AIG1: variants seen among roughly 807,000 people sequenced by gnomAD.
The protein encoded by AIG1 is androgen induced 1, also known as androgen-induced gene 1 protein.
AIG1 carries 23 observed loss-of-function variants against 31.4 expected under a neutral mutation model. The observed-to-expected ratio is 0.73, with a 90% CI of 0.53 to 1.04. The LOEUF is 1.04. Among genes scored for constraint, AIG1 ranks in the 50% least tolerant of loss-of-function variants. The pLI is 0.00. For synonymous variants in AIG1, 100 were observed against 110.5 expected, an observed-to-expected ratio of 0.90 and a Z score of 0.60; for missense variants, 274 against 295.0, an observed-to-expected ratio of 0.93 and a Z score of 0.52.
At chr6:143,164,601 A>G (rs148587876) in intron 2 of AIG1, among the ~76,000 whole-genome samples, 2 of 152,288 alleles carry the variant, frequency 1.3e-5, no homozygotes, top group East Asian at 3.9e-4. Context: ...AGTGGTTTCA[A>G]TGCTGCTAGT....
intron 3 of AIG1, chr6:143,187,860 G>A: frequency 1.4e-6 from 2 of 1,430,424 alleles, no homozygotes; most frequent in Non-Finnish European, 1.8e-6. Context: ...ATGTACAGAA[G>A]GGTATCCGCA....
At position 143,292,077 on chromosome 6, in the gene AIG1, G is replaced by A. The variant is rs774006415; in HGVS notation, c.515+7852G>A. On this transcript the variant is annotated intron_variant, in intron 4 of 5. Coordinates refer to ENST00000357847, the MANE Select transcript of AIG1 (RefSeq NM_016108.4). The surrounding 1 kb of genome is among the most constrained non-coding windows in gnomAD (Gnocchi z 4.9). ...ATAGGATTCTGGATATATTTTGAAGGTAGGGTCAATAGGATTTCCTGGCCA... is the reference window on the plus strand; with the variant it reads ...ATAGGATTCTGGATATATTTTGAAGATAGGGTCAATAGGATTTCCTGGCCA... 2.6e-5 allele frequency among the ~76,000 whole-genome samples: 4 copies of A among 152,166 alleles called. No individual in the cohort carries two copies. The highest frequency in any genetic ancestry group is 5.9e-5 in the Non-Finnish European group (4 of 68,018).
At chr6:143,177,131 TC>T (rs1278627753) in intron 3 of AIG1, among the ~76,000 whole-genome samples, 2 of 152,378 alleles carry the variant, frequency 1.3e-5, no homozygotes, top group East Asian at 3.9e-4. Flanking sequence ...GTTATTCAGT[TC>T]TAACATTTCT....
intron 3 of AIG1, chr6:143,186,665 A>G (rs1789287796): frequency 6.6e-6 from 1 of 152,250 alleles, no homozygotes; most frequent in South Asian, 2.1e-4. Flanking sequence ...TTTTTCCCAC[A>G]ACAGTTTAAC....
At chr6:143,147,955 T>A (rs1266449158) in intron 2 of AIG1, among the ~76,000 whole-genome samples, 1 of 152,136 alleles carries the variant, frequency 6.6e-6, no homozygotes, top group Non-Finnish European at 1.5e-5. Flanking sequence ...CCCCAGAAGG[T>A]AGGAATTTCC....
chr6:143,259,701 T>C (rs1795615185), intron 3 of AIG1, among the ~76,000 whole-genome samples: 1 of 152,186 alleles, frequency 6.6e-6, no homozygotes, highest in South Asian at 2.1e-4. Context: ...CCAAACTTAG[T>C]TCACTGCTAG....
chr6:143,151,330 A>G lies in AIG1; in HGVS notation c.298-13752A>G, dbSNP rs77068054. Among the ~76,000 whole-genome samples the G allele has an allele frequency of 3.3e-3, 509 of 152,280 alleles. 3 individuals are homozygous for G. The highest frequency in any genetic ancestry group is 0.012 in the African/African-American group (487 of 41,558). ...AGAGACATTCATGTTCTAAATGTAAATGGCAAATGGTTCATAGAGAAAAAC... is the reference window on the plus strand; with the variant it reads ...AGAGACATTCATGTTCTAAATGTAAGTGGCAAATGGTTCATAGAGAAAAAC... On this transcript the variant is annotated intron_variant, in intron 2 of 5. Coordinates refer to ENST00000357847, the MANE Select transcript of AIG1 (RefSeq NM_016108.4).
intron 1 of AIG1, among the ~76,000 whole-genome samples, chr6:143,128,499 A>C (rs557229233): frequency 2.0e-5 from 3 of 152,328 alleles, no homozygotes; most frequent in African/African-American, 7.2e-5. Flanking sequence ...TAAAATAATA[A>C]GAGCAACTAG....
At chr6:143,168,809 C>G (rs1045703451) in intron 3 of AIG1, among the ~76,000 whole-genome samples, 1 of 151,728 alleles carries the variant, frequency 6.6e-6, no homozygotes, top group Non-Finnish European at 1.5e-5. Flanking sequence ...GTCTCAAGAA[C>G]AAAAAAATTC....
rs531093293 is a variant in AIG1 at position 143,167,133 on chromosome 6, A to G, written c.399+1950A>G. Among the ~76,000 whole-genome samples, 21 of 152,312 alleles carry G rather than the reference A, an allele frequency of 1.4e-4. No homozygotes were observed. In the East Asian group the frequency reaches 4.0e-3, roughly 29 times the overall value. Reference sequence around the variant, plus strand: ...ATTTTTAAGAAAAAGACATTATGAAATTCCTGATCTCCAAGAGCTGAGTTG... The same window carrying G: ...ATTTTTAAGAAAAAGACATTATGAAGTTCCTGATCTCCAAGAGCTGAGTTG... On this transcript the variant is annotated intron_variant, in intron 3 of 5. Transcript: ENST00000357847.
intron 3 of AIG1, among the ~76,000 whole-genome samples, chr6:143,166,515 G>A (rs975800922): frequency 4.6e-5 from 7 of 152,056 alleles, no homozygotes; most frequent in African/African-American, 2.4e-5. Flanking sequence ...TAGCTATTCC[G>A]TTACTTGTGC....
chr6:143,214,889 G>GT (rs1791899906), intron 3 of AIG1, among the ~76,000 whole-genome samples: 1 of 152,084 alleles, frequency 6.6e-6, no homozygotes, highest in Non-Finnish European at 1.5e-5. Flanking sequence ...ATCCCAACTG[G>GT]TTCTTCAGCA....
At chr6:143,103,454 G>C (rs986222077) in intron 1 of AIG1, among the ~76,000 whole-genome samples, 2 of 150,518 alleles carry the variant, frequency 1.3e-5, no homozygotes, top group African/African-American at 4.9e-5. Context: ...GCACTTTGAG[G>C]TCATTTATAG....
At chr6:143,342,652 A>G, downstream of AIG1, 1 of 1,218,948 alleles carries the variant, frequency 8.2e-7, no homozygotes, top group Non-Finnish European at 1.2e-6. Context: ...TTGATGGCAT[A>G]AAAGCTGATT....
chr6:143,143,528 A>AAAAAAAAAATATATATATAT, intron 2 of AIG1, among the ~76,000 whole-genome samples: 1 of 27,794 alleles, frequency 3.6e-5, no homozygotes, highest in Non-Finnish European at 7.9e-5. Flanking sequence ...AAAAAAAAAA[A>AAAAAAAAAATATATATATAT]ATATATATAT....
At chr6:143,233,273 A>G (rs1356209120) in intron 3 of AIG1, among the ~76,000 whole-genome samples, 8 of 152,168 alleles carry the variant, frequency 5.3e-5, no homozygotes, top group Non-Finnish European at 1.2e-4. Flanking sequence ...GAAATTTAAA[A>G]CCCAAATTTT....
Position 143,243,693 on chromosome 6 carries a change from C to T in AIG1, c.400-40417C>T, listed in dbSNP as rs1407242924. On this transcript the variant is annotated intron_variant, in intron 3 of 5. Coordinates refer to ENST00000357847, the MANE Select transcript of AIG1 (RefSeq NM_016108.4). ...TAGGACAGTGGAGGAAGGAGACTTT[C>T]GATGAATTGATCAAGAAGAAAAAGA... Among the ~76,000 whole-genome samples, 11 of 152,100 alleles carry T rather than the reference C, an allele frequency of 7.2e-5. No individual in the cohort carries two copies. In the East Asian group the frequency reaches 1.5e-3, roughly 21 times the overall value.
intron 1 of AIG1, among the ~76,000 whole-genome samples, chr6:143,106,068 G>A (rs1181934894): frequency 6.6e-6 from 1 of 152,110 alleles, no homozygotes; most frequent in African/African-American, 2.4e-5. Flanking sequence ...AACCTTATTT[G>A]GAAATCAGCT....
chr6:143,303,470 T>G (rs1343309859), intron 4 of AIG1, among the ~76,000 whole-genome samples: 1 of 152,224 alleles, frequency 6.6e-6, no homozygotes, highest in Admixed American at 6.5e-5. Context: ...CAGCACCATT[T>G]ATTAAATAGG....
Sources: allele counts gnomAD v4.1 joint callset (sites outside exome capture counted in the v4.1 genomes callset), GRCh38; gene constraint gnomAD v4.1.1; non-coding constraint Gnocchi (gnomAD v3.1); transcripts MANE v1.5; gene names NCBI Gene and HGNC (gene_info 2026-07-23, HGNC 2026-07-21).